Variants in UNC79 observed in about 807,000 individuals in gnomAD.
UNC79 encodes the protein protein unc-79 homolog.
Under a neutral mutation model 283.1 loss-of-function variants are expected in UNC79, and 37 were observed. The ratio of observed to expected loss-of-function variants is 0.13; its 90% CI spans 0.10 to 0.17. UNC79 has a LOEUF of 0.17. UNC79 is among the 10% of genes least tolerant of loss of function. UNC79 has a pLI of 1.00. For synonymous variants in UNC79, 1,107 were observed against 1,200.2 expected (o/e 0.92, Z 1.61); for missense variants, 2,272 against 3,211.1 (o/e 0.71, Z 7.07).
At chr14:93,480,902 A>T (rs2058095763) in intron 4 of UNC79, among the ~76,000 whole-genome samples, 2 of 152,188 alleles carry the variant, frequency 1.3e-5, no homozygotes, top group Non-Finnish European at 2.9e-5. Flanking sequence ...TTTAAGACAA[A>T]AAGGCTTTTT....
intron 7 of UNC79, among the ~76,000 whole-genome samples, chr14:93,499,114 C>G (rs1428603216): frequency 2.0e-5 from 3 of 151,930 alleles, no homozygotes; most frequent in Non-Finnish European, 4.4e-5. Context: ...TTTTGGTGGC[C>G]CTTGGTGGGC....
intron 1 of UNC79, among the ~76,000 whole-genome samples, chr14:93,424,813 G>A (rs1256462476): frequency 6.6e-6 from 1 of 152,088 alleles, no homozygotes; most frequent in Non-Finnish European, 1.5e-5. Context: ...TCAGTAGAGC[G>A]ACTGTAGTCA....
intron 48 of UNC79, among the ~76,000 whole-genome samples, 181 bp from the exon 52 acceptor site, chr14:93,706,523 T>G (rs2075889779): frequency 6.6e-6 from 1 of 152,070 alleles, no homozygotes; most frequent in African/African-American, 2.4e-5. Flanking sequence ...CCAGGACGAC[T>G]CTAGAAAACA....
chr14:93,407,986 A>G (rs922263674), intron 1 of UNC79, among the ~76,000 whole-genome samples: 2 of 152,154 alleles, frequency 1.3e-5, no homozygotes, highest in Non-Finnish European at 2.9e-5. Flanking sequence ...CCAAATAAAC[A>G]CAAAACTGCA....
At position 93,454,496 on chromosome 14, in the gene UNC79, T is replaced by C. The variant is rs140480144; in HGVS notation, c.23-13175T>C. 2.7e-3 allele frequency among the ~76,000 whole-genome samples: 406 copies of C among 152,336 alleles called. 1 individual carries two copies. The highest frequency in any genetic ancestry group is 9.2e-3 in the African/African-American group (384 of 41,572). ...GTGGGGGTCACAGCTAGTTCAAGTG[T>C]TTCTCTTTATAGTTGACATATCAGA... is the stretch of plus-strand genomic sequence containing the variant. On this transcript the variant is annotated intron_variant, in intron 1 of 48. Coordinates refer to ENST00000555664, the Ensembl canonical transcript of UNC79.
chr14:93,622,018 G>A, exon 30 of UNC79: 1 of 1,613,962 alleles, frequency 6.2e-7, no homozygotes. Context: ...AAGTTGACTC[G>A]CCGGTAAAGC....
At position 93,690,274 on chromosome 14, in the gene UNC79, A is replaced by T. The variant is rs1280822435; in HGVS notation, c.7243A>T (p.Ile2415Phe). The T allele has an allele frequency of 6.2e-7, 1 of 1,613,912 alleles. No individual in the cohort carries two copies. Among genetic ancestry groups the T allele is most frequent in the South Asian group, 1.1e-5 (1 of 90,982 alleles). ...CCACGTTGCAGACCATCTTATTGTT[A>T]TCCTGATTGGATTTCCAGAGCAATC... Residue 2415 changes from isoleucine to phenylalanine, a missense_variant, in exon 45 of 49, where the codon ATC (isoleucine) becomes TTC (phenylalanine). By Grantham distance (21) the Ile-to-Phe change is conservative. This residue lies in a region of UNC79 where 225 missense variants were observed against 334.2 expected (regional missense o/e 0.67). Coordinates refer to ENST00000555664, the Ensembl canonical transcript of UNC79. This position sits in a 1 kb window ranked among gnomAD's most constrained non-coding sequence, Gnocchi z 4.3.
chr14:93,649,729 A>G (rs577868007), intron 35 of UNC79, among the ~76,000 whole-genome samples: 1 of 152,306 alleles, frequency 6.6e-6, no homozygotes, highest in Admixed American at 6.5e-5. Context: ...TTTTTGGTGA[A>G]AACATTTGAA....
At chr14:93,659,127 A>G in intron 38 of UNC79, 66 bp from the exon 42 acceptor site, 1 of 1,308,996 alleles carries the variant, frequency 7.6e-7, no homozygotes, top group Non-Finnish European at 1.1e-6. Context: ...CTTTCAGAAC[A>G]TATTTGAAGC....
intron 41 of UNC79, among the ~76,000 whole-genome samples, chr14:93,680,565 G>T (rs995109489): frequency 1.3e-5 from 2 of 152,126 alleles, no homozygotes; most frequent in African/African-American, 4.8e-5. Context: ...GTTTGTCTTA[G>T]ACTGAAGACT....
At chr14:93,416,979 T>C (rs1044861784) in intron 1 of UNC79, among the ~76,000 whole-genome samples, 4 of 152,250 alleles carry the variant, frequency 2.6e-5, no homozygotes, top group Admixed American at 6.5e-5. Context: ...TTATCCAATT[T>C]GCTAGTCTGT....
chr14:93,615,314 A>G (rs1157378707), intron 27 of UNC79, among the ~76,000 whole-genome samples: 4 of 152,272 alleles, frequency 2.6e-5, no homozygotes, highest in Admixed American at 6.5e-5. Flanking sequence ...GCTGATGCTG[A>G]TAACTGGATG....
chr14:93,623,598 A>T (rs1031206422), intron 30 of UNC79, among the ~76,000 whole-genome samples: 3 of 147,720 alleles, frequency 2.0e-5, no homozygotes, highest in African/African-American at 4.9e-5. Flanking sequence ...CAGATCTTTT[A>T]AAAAAAGTTA....
At chr14:93,357,676 CATATATATAT>C (rs60284787) in intron 1 of UNC79, among the ~76,000 whole-genome samples, 1,875 of 32,342 alleles carry the variant, frequency 0.058, 43 homozygotes, top group Middle Eastern at 0.11. Context: ...AATAAACTCC[CATATATATAT>C]ATATATATAT....
intron 7 of UNC79, among the ~76,000 whole-genome samples, chr14:93,503,961 C>T (rs551024668): frequency 6.8e-4 from 104 of 151,924 alleles, no homozygotes; most frequent in African/African-American, 9.2e-4. Context: ...TATGAGGTAA[C>T]GGCCAATCTC....
At chr14:93,683,371 T>C (rs1387481200) in intron 42 of UNC79, among the ~76,000 whole-genome samples, 1 of 152,060 alleles carries the variant, frequency 6.6e-6, no homozygotes, top group Non-Finnish European at 1.5e-5. Flanking sequence ...ATATGGCCCA[T>C]GGGGTTTTCA....
chr14:93,517,620 TA>T (rs2060129409), intron 7 of UNC79, among the ~76,000 whole-genome samples: 1 of 152,074 alleles, frequency 6.6e-6, no homozygotes, highest in African/African-American at 2.4e-5. Context: ...GTTAATATGG[TA>T]AATTACATTG....
chr14:93,427,689 T>C (rs2055762626), upstream of UNC79, among the ~76,000 whole-genome samples: 1 of 152,024 alleles, frequency 6.6e-6, no homozygotes, highest in Admixed American at 6.6e-5. Flanking sequence ...TTTGCTACAT[T>C]ATAACAAGTT....
chr14:93,613,722 T>TAG (rs2066481854), intron 27 of UNC79, among the ~76,000 whole-genome samples: 1 of 152,232 alleles, frequency 6.6e-6, no homozygotes, highest in African/African-American at 2.4e-5. Context: ...CCAGTATATT[T>TAG]GGTTTCTAGA....
Sources: allele counts gnomAD v4.1 joint callset (sites outside exome capture counted in the v4.1 genomes callset), GRCh38; gene constraint gnomAD v4.1.1; regional missense constraint gnomAD v4.1.1; non-coding constraint Gnocchi (gnomAD v3.1); transcripts MANE v1.5; gene names NCBI Gene and HGNC (gene_info 2026-07-23, HGNC 2026-07-21).